Variants in GFRA1 observed in about 807,000 individuals in gnomAD.
GFRA1 encodes GDNF family receptor alpha 1, also known as GDNF family receptor alpha-1.
Under a neutral mutation model 51.6 loss-of-function variants are expected in GFRA1, and 16 were observed. The observed-to-expected ratio is 0.31, with a 90% CI of 0.21 to 0.47. The LOEUF (loss-of-function observed/expected upper bound fraction) is 0.47, where lower values mean the gene tolerates loss of function less well. Ranked by LOEUF, GFRA1 falls within the 20% of genes least tolerant of loss-of-function variation. The pLI is 1.00. For synonymous variants in GFRA1, 270 were observed against 241.3 expected (o/e 1.12, Z -1.10); for missense variants, 530 against 594.3 (o/e 0.89, Z 1.13).
At chr10:116,178,883 G>A (rs767630559) in intron 5 of GFRA1, among the ~76,000 whole-genome samples, 2 of 152,144 alleles carry the variant, frequency 1.3e-5, no homozygotes, top group Admixed American at 6.5e-5. Context: ...AATCTCAGTC[G>A]GTCCTCTGAA....
chr10:116,180,464 T>C (rs1336266833), intron 5 of GFRA1, among the ~76,000 whole-genome samples: 1 of 152,244 alleles, frequency 6.6e-6, no homozygotes, highest in Non-Finnish European at 1.5e-5. Flanking sequence ...TTGCTCATTA[T>C]TCAGTTACTA....
intron 9 of GFRA1, among the ~76,000 whole-genome samples, chr10:116,075,187 G>C (rs1459225282): frequency 6.6e-6 from 1 of 151,924 alleles, no homozygotes; most frequent in Non-Finnish European, 1.5e-5. Context: ...CTCTCTCTAA[G>C]TCTTTCTCAT....
chr10:116,110,175 G>GGCC (rs1363490670), intron 6 of GFRA1, among the ~76,000 whole-genome samples: 18 of 152,342 alleles, frequency 1.2e-4, no homozygotes, highest in African/African-American at 4.3e-4. Context: ...AACCTGACCT[G>GGCC]GCAGGGGGAT....
intron 9 of GFRA1, among the ~76,000 whole-genome samples, chr10:116,074,051 TG>T (rs746645400): frequency 2.0e-5 from 3 of 152,214 alleles, no homozygotes; most frequent in Non-Finnish European, 4.4e-5. Flanking sequence ...ATAGTGATGA[TG>T]ACTGTGATCA....
chr10:116,201,613 G>T (rs1276114812), intron 5 of GFRA1, among the ~76,000 whole-genome samples: 2 of 152,006 alleles, frequency 1.3e-5, no homozygotes, highest in African/African-American at 4.8e-5. Flanking sequence ...CTCCTTCAGG[G>T]GCACCTATCT....
At chr10:116,150,065 C>T (rs1959000841) in intron 5 of GFRA1, among the ~76,000 whole-genome samples, 1 of 152,122 alleles carries the variant, frequency 6.6e-6, no homozygotes, top group South Asian at 2.1e-4. Flanking sequence ...CGACACTGTT[C>T]CTCCATTTTC....
intron 5 of GFRA1, among the ~76,000 whole-genome samples, chr10:116,202,462 C>G (rs1298179053): frequency 9.9e-5 from 15 of 152,116 alleles, no homozygotes; most frequent in Non-Finnish European, 1.5e-4. Flanking sequence ...TGCCTCTCCC[C>G]ACACACACCA....
At chr10:116,088,047 G>C (rs560920112) in intron 9 of GFRA1, among the ~76,000 whole-genome samples, 1 of 152,116 alleles carries the variant, frequency 6.6e-6, no homozygotes. Context: ...CCTCTCCTTA[G>C]TGTTTTCTGT....
At chr10:116,187,837 G>C (rs752664491) in intron 5 of GFRA1, among the ~76,000 whole-genome samples, 1 of 152,104 alleles carries the variant, frequency 6.6e-6, no homozygotes, top group East Asian at 1.9e-4. Context: ...AAAGGCAGCA[G>C]TAAGTTTGCG....
chr10:116,087,295 G>A (rs1286745559), intron 9 of GFRA1, among the ~76,000 whole-genome samples: 1 of 152,086 alleles, frequency 6.6e-6, no homozygotes, highest in Admixed American at 6.5e-5. Flanking sequence ...AGGGGGCGGT[G>A]TGGAAGAGAA....
rs59838560 is a variant in GFRA1, at chr10:116,089,406, A to G, written c.1197+335T>C. Among the ~76,000 whole-genome samples the G allele has an allele frequency of 4.1e-3, 620 of 152,328 alleles. 3 individuals carry two copies. The highest frequency in any genetic ancestry group is 0.014 in the African/African-American group (586 of 41,568). On this transcript the variant is annotated intron_variant, in intron 9 of 10. Coordinates refer to ENST00000355422, the MANE Select transcript of GFRA1 (RefSeq NM_005264.8). ...TTTGCAGAGAACACAGAATCAGCAT[A>G]ATAAATATGTAACCAAGCCAACTTG...
chr10:116,170,920 A>G (rs781503202), intron 5 of GFRA1, among the ~76,000 whole-genome samples: 31 of 152,334 alleles, frequency 2.0e-4, no homozygotes, highest in East Asian at 1.2e-3. Flanking sequence ...GGAATTTTCA[A>G]TATTCACAGG....
chr10:116,188,601 G>A (rs746451747), intron 5 of GFRA1, among the ~76,000 whole-genome samples: 11 of 152,178 alleles, frequency 7.2e-5, no homozygotes, highest in Non-Finnish European at 1.2e-4. Flanking sequence ...ACTCACGAGC[G>A]TATTAAAATG....
chr10:116,262,682 C>T (rs4333937), intron 4 of GFRA1, among the ~76,000 whole-genome samples: 151,204 of 152,272 alleles, frequency 0.99, 75,078 homozygotes, highest in East Asian at 1. Flanking sequence ...TGTTCTACAA[C>T]AAAAATGGAT....
chr10:116,239,055 C>T (rs1261470068), intron 4 of GFRA1, among the ~76,000 whole-genome samples: 1 of 152,148 alleles, frequency 6.6e-6, no homozygotes, highest in African/African-American at 2.4e-5. Context: ...ATGCATTTTT[C>T]CCAAGGTGAC....
At chr10:116,209,397 T>C (rs1965021344) in intron 5 of GFRA1, among the ~76,000 whole-genome samples, 1 of 152,146 alleles carries the variant, frequency 6.6e-6, no homozygotes, top group South Asian at 2.1e-4. Flanking sequence ...GGGACTCCAC[T>C]GGGCAGAGTC....
intron 4 of GFRA1, among the ~76,000 whole-genome samples, chr10:116,220,217 T>A (rs1422082995): frequency 2.0e-5 from 3 of 152,232 alleles, no homozygotes; most frequent in African/African-American, 7.2e-5. Flanking sequence ...TTTTTCCCAT[T>A]ACAGATAAAT....
At chr10:116,086,503 G>A (rs1956106113) in intron 9 of GFRA1, among the ~76,000 whole-genome samples, 1 of 152,232 alleles carries the variant, frequency 6.6e-6, no homozygotes, top group South Asian at 2.1e-4. Context: ...CCATACTGGT[G>A]AGGACAAGAG....
intron 5 of GFRA1, among the ~76,000 whole-genome samples, chr10:116,209,720 C>T (rs902867325): frequency 3.3e-5 from 5 of 150,166 alleles, no homozygotes; most frequent in African/African-American, 1.2e-4. Context: ...TTTTAGATTC[C>T]GTCTGTAAGA....
Sources: gnomAD v4.1 joint callset for allele counts (sites outside exome capture counted in the v4.1 genomes callset) on GRCh38, gnomAD v4.1.1 for gene constraint, MANE v1.5 for transcripts, NCBI Gene and HGNC (gene_info 2026-07-23, HGNC 2026-07-21) for gene names.